The following ZNF831 variants were observed in gnomAD, a reference collection of about 807,000 sequenced individuals.
ZNF831 encodes the protein zinc finger protein 831.
Under a neutral mutation model 95.8 loss-of-function variants are expected in ZNF831, and 59 were observed. That is an observed-to-expected ratio of 0.62 (90% CI 0.50 to 0.77). The LOEUF is 0.77. Ranked by LOEUF, ZNF831 falls within the 30% of genes least tolerant of loss-of-function variation. The probability of loss-of-function intolerance (pLI) is 0.00; values close to 1 mark genes in which losing one functional copy is unlikely to be tolerated. For synonymous variants in ZNF831, 961 were observed against 925.5 expected, an observed-to-expected ratio of 1.04 and a Z score of -0.70; for missense variants, 2,205 against 2,164.0, an observed-to-expected ratio of 1.02 and a Z score of -0.38.
At chr20:59,137,467 C>G (rs1280775413) in intron 1 of ZNF831, among the ~76,000 whole-genome samples, 2 of 152,040 alleles carry the variant, frequency 1.3e-5, no homozygotes, top group Non-Finnish European at 2.9e-5. Context: ...AAACTCAGAC[C>G]TTTTTAGGTT....
Position 59,191,444 on chromosome 20 carries a change from G to C in ZNF831, c.425G>C (p.Gly142Ala), listed in dbSNP as rs774462944. 1 of 1,612,956 alleles carries C rather than the reference G, an allele frequency of 6.2e-7. No individual in the cohort carries two copies. ...AGCCCAGGCAAGGTGCGGAATGCGG[G>C]CAAGTACCTGTGTCCGCACTGTGGT... is the stretch of plus-strand genomic sequence containing the variant. ...LGSPGKVRNA[G>A]KYLCPHCGRD... Residue 142 changes from glycine (G) to alanine (A), a missense_variant, in exon 2 of 6, where the codon GGC becomes GCC. Transcript: ENST00000371030.
At position 59,257,339 on chromosome 20, in the gene ZNF831, A is replaced by T. The variant is rs192812361; in HGVS notation, c.*2596A>T. On this transcript the variant is annotated 3_prime_UTR_variant, in exon 6 of 6. Transcript: ENST00000371030. ...AAAGCTGTATGTCAATGGATTTTTT[A>T]AAAATTAAAAATGTATTTTGAATGA... 0.022 allele frequency: 3,364 copies of T among 152,336 alleles called. 57 individuals carry two copies. The highest frequency in any genetic ancestry group is 0.032 in the Non-Finnish European group (2,163 of 68,024). 9.4% of individuals were successfully genotyped at this position (152,336 alleles called of 1,614,324 possible).
intron 4 of ZNF831, among the ~76,000 whole-genome samples, chr20:59,207,416 GTT>G (rs1984975413): frequency 6.6e-6 from 1 of 152,200 alleles, no homozygotes; most frequent in Non-Finnish European, 1.5e-5. Context: ...AGCTCACTCA[GTT>G]CTCTCTGCAG....
chr20:59,218,670 T>C (rs1261201064), intron 4 of ZNF831, among the ~76,000 whole-genome samples: 3 of 152,012 alleles, frequency 2.0e-5, no homozygotes, highest in Non-Finnish European at 2.9e-5. Flanking sequence ...TGGCTGTCCT[T>C]GACCCTGTCA....
At chr20:59,172,536 G>A (rs868479556) in intron 1 of ZNF831, among the ~76,000 whole-genome samples, 32 of 152,138 alleles carry the variant, frequency 2.1e-4, no homozygotes, top group African/African-American at 7.0e-4. Flanking sequence ...GAGGCATGCC[G>A]CTGGGAGAGT....
At chr20:59,158,049 C>CTA (rs1980635553) in intron 2 of ZNF831, among the ~76,000 whole-genome samples, 1 of 152,210 alleles carries the variant, frequency 6.6e-6, no homozygotes, top group Middle Eastern at 3.2e-3. Context: ...TTTTCTCACT[C>CTA]TATGATTAAA....
chr20:59,246,046 G>A (rs1382476357), intron 4 of ZNF831, among the ~76,000 whole-genome samples: 2 of 152,122 alleles, frequency 1.3e-5, no homozygotes, highest in East Asian at 3.8e-4. Context: ...TTTCTTCGGT[G>A]GTTTCTTTTG....
At chr20:59,202,250 A>T (rs1984581810) in intron 3 of ZNF831, among the ~76,000 whole-genome samples, 1 of 151,862 alleles carries the variant, frequency 6.6e-6, no homozygotes, top group Admixed American at 6.6e-5. Context: ...TTATTTCCAA[A>T]AAGTTTTATT....
intron 4 of ZNF831, among the ~76,000 whole-genome samples, chr20:59,238,854 G>A (rs895329618): frequency 3.3e-4 from 18 of 54,268 alleles, no homozygotes; most frequent in African/African-American, 1.1e-3. Context: ...TTCTTTCCCT[G>A]AGATAAGTTT....
In ZNF831 at chr20:59,192,074, G is replaced by A. The variant is rs766558133; in HGVS notation, c.1055G>A (p.Ser352Asn). Residue 352 changes from serine to asparagine, a missense_variant, in exon 2 of 6, where the codon AGC becomes AAC. By Grantham distance (46) the Ser-to-Asn change is conservative. Transcript: ENST00000371030. The surrounding 1 kb of genome is among the most constrained non-coding windows in gnomAD (Gnocchi z 5.2). ...TCGGGGTACCTGTCGCGCTCCGACAGCGCGGAGCAGCCGCATGCGCCCTGC... is the reference window on the plus strand; with the variant it reads ...TCGGGGTACCTGTCGCGCTCCGACAACGCGGAGCAGCCGCATGCGCCCTGC... ...TDSGYLSRSD[S>N]AEQPHAPCSP... 3.1e-6 allele frequency: 5 copies of A among 1,604,888 alleles called. No individual in the cohort carries two copies. The South Asian group carries it at 5.5e-5, about 18-fold the overall frequency.
chr20:59,169,007 G>A lies in ZNF831; in HGVS notation c.-37+4800G>A, dbSNP rs1365174147. On this transcript the variant is annotated intron_variant, in intron 1 of 5. Transcript: ENST00000371030. This position sits in a 1 kb window ranked among gnomAD's most constrained non-coding sequence, Gnocchi z 4.1. ...TGTTCATGAGGGATATTCGTCTGTA[G>A]TTGTCTTTTCATGCTGTCTTTGTCT... 6.6e-6 allele frequency among the ~76,000 whole-genome samples: 1 copy of A among 152,166 alleles called. No individual in the cohort carries two copies. The highest frequency in any genetic ancestry group is 2.4e-5 in the African/African-American group (1 of 41,430).
At chr20:59,229,618 T>C (rs796399103) in intron 4 of ZNF831, among the ~76,000 whole-genome samples, 24 of 152,326 alleles carry the variant, frequency 1.6e-4, no homozygotes, top group African/African-American at 5.5e-4. Flanking sequence ...AAACAAGTGA[T>C]TTATTTTTCC....
chr20:59,186,307 G>T (rs1183541365), intron 1 of ZNF831, among the ~76,000 whole-genome samples: 1 of 152,174 alleles, frequency 6.6e-6, no homozygotes, highest in African/African-American at 2.4e-5. Flanking sequence ...AGCATCCCTT[G>T]CTAGAGGCGA....
intron 2 of ZNF831, among the ~76,000 whole-genome samples, chr20:59,155,345 C>A (rs1057343133): frequency 6.6e-6 from 1 of 152,188 alleles, no homozygotes; most frequent in Non-Finnish European, 1.5e-5. Flanking sequence ...CACATGAATG[C>A]ACTAATATTT....
At position 59,164,132 on chromosome 20, in the gene ZNF831, T is replaced by C. The variant is rs1981067829; in HGVS notation, c.-112T>C. ...CAGTGGTCCTTTCTGGACCTGTGGG[T>C]GTCTTCTCTGGGCAACCAGATCATT... On this transcript the variant is annotated 5_prime_UTR_variant, in exon 1 of 6. Coordinates refer to ENST00000371030, the MANE Select transcript of ZNF831 (RefSeq NM_178457.3). Among the ~76,000 whole-genome samples the C allele has an allele frequency of 6.6e-6, 1 of 152,100 alleles. No individual in the cohort carries two copies. Among genetic ancestry groups the C allele is most frequent in the Non-Finnish European group, 1.5e-5 (1 of 68,012 alleles).
At chr20:59,236,082 T>G (rs528948879) in intron 4 of ZNF831, among the ~76,000 whole-genome samples, 1 of 152,248 alleles carries the variant, frequency 6.6e-6, no homozygotes, top group Admixed American at 6.5e-5. Context: ...TTGCCTTCTG[T>G]TGATGTACTG....
intron 3 of ZNF831, among the ~76,000 whole-genome samples, chr20:59,203,196 G>T (rs1984652234): frequency 6.6e-6 from 1 of 152,084 alleles, no homozygotes; most frequent in East Asian, 1.9e-4. Flanking sequence ...CTTCTTGTAT[G>T]AATTCATATA....
At chr20:59,128,746 A>T (rs1979256506) in intron 1 of ZNF831, among the ~76,000 whole-genome samples, 1 of 152,102 alleles carries the variant, frequency 6.6e-6, no homozygotes, top group African/African-American at 2.4e-5. Context: ...ACTTTAAAAC[A>T]CTTTTTATTT....
At chr20:59,242,190 G>T (rs1182352510) in intron 4 of ZNF831, among the ~76,000 whole-genome samples, 3 of 152,156 alleles carry the variant, frequency 2.0e-5, no homozygotes, top group African/African-American at 7.2e-5. Context: ...CAGGATTAAT[G>T]AAGGAGAGAA....
Sources: gnomAD v4.1 joint callset for allele counts (sites outside exome capture counted in the v4.1 genomes callset) on GRCh38, gnomAD v4.1.1 for gene constraint, Gnocchi (gnomAD v3.1) non-coding constraint, MANE v1.5 for transcripts, NCBI Gene and HGNC (gene_info 2026-07-23, HGNC 2026-07-21) for gene names.